PKIG: variants seen among roughly 807,000 people sequenced by gnomAD.
PKIG encodes protein kinase (cAMP-dependent, catalytic) inhibitor gamma.
In PKIG, 1 loss-of-function variant was observed where a neutral mutation model predicts 6.8. The ratio of observed to expected loss-of-function variants is 0.15; its 90% CI spans 0.05 to 0.69. The LOEUF (loss-of-function observed/expected upper bound fraction) is 0.69, where lower values mean the gene tolerates loss of function less well. PKIG is among the 30% of genes least tolerant of loss of function. PKIG has a pLI of 0.82. For missense variants in PKIG, 77 were observed against 104.0 expected (o/e 0.74, Z 1.13); for synonymous variants, 39 against 43.0 (o/e 0.91, Z 0.36).
At chr20:44,606,547 G>A (rs2065165206) in intron 2 of PKIG, among the ~76,000 whole-genome samples, 1 of 152,246 alleles carries the variant, frequency 6.6e-6, no homozygotes, top group South Asian at 2.1e-4. Context: ...GGTGGCTCAC[G>A]CTTGTAATCT....
intron 1 of PKIG, among the ~76,000 whole-genome samples, chr20:44,548,177 G>A (rs1167218083): frequency 1.3e-5 from 2 of 151,820 alleles, no homozygotes; most frequent in African/African-American, 4.8e-5. Context: ...AGACTGTCTA[G>A]AAAAACAAAA....
intron 1 of PKIG, among the ~76,000 whole-genome samples, chr20:44,577,060 AT>A (rs1158656319): frequency 6.6e-6 from 1 of 151,878 alleles, no homozygotes. Context: ...TTGATTCCCC[AT>A]CCCCCAAAAA....
At chr20:44,535,369 G>A (rs545170105) in intron 1 of PKIG, among the ~76,000 whole-genome samples, 5 of 152,278 alleles carry the variant, frequency 3.3e-5, no homozygotes, top group Admixed American at 2.0e-4. Context: ...GGCCTGGCAC[G>A]GTGGCTTACG....
intron 1 of PKIG, among the ~76,000 whole-genome samples, chr20:44,535,917 CA>C (rs983825745): frequency 6.6e-6 from 1 of 152,174 alleles, no homozygotes; most frequent in Non-Finnish European, 1.5e-5. Context: ...TTTCATCTTG[CA>C]AAAGTGCAAA....
intron 1 of PKIG, among the ~76,000 whole-genome samples, chr20:44,544,925 C>CT (rs796482642): frequency 0.032 from 2,060 of 64,310 alleles, 283 homozygotes; most frequent in African/African-American, 0.046. Flanking sequence ...TTCCTTCTTT[C>CT]TTTTTTTTTT....
intron 1 of PKIG, among the ~76,000 whole-genome samples, chr20:44,583,219 T>C (rs924667526): frequency 5.9e-5 from 9 of 152,222 alleles, no homozygotes; most frequent in African/African-American, 2.2e-4. Flanking sequence ...ATGGTCAGAC[T>C]CCATGAATTT....
intron 2 of PKIG, among the ~76,000 whole-genome samples, chr20:44,613,261 G>T (rs1471695804): frequency 6.6e-6 from 1 of 152,184 alleles, no homozygotes; most frequent in East Asian, 1.9e-4. Flanking sequence ...TGCCTCCCGG[G>T]TTCATGCCAT....
At chr20:44,552,336 C>G (rs1339914407) in intron 1 of PKIG, among the ~76,000 whole-genome samples, 1 of 152,184 alleles carries the variant, frequency 6.6e-6, no homozygotes, top group African/African-American at 2.4e-5. Context: ...CCCTTTTCTT[C>G]CACATATGTT....
chr20:44,598,929 T>G (rs562875543), intron 2 of PKIG: 2 of 152,308 alleles, frequency 1.3e-5, no homozygotes, highest in South Asian at 4.1e-4. Context: ...AAATAATTAT[T>G]TTTACTCTTG....
chr20:44,558,776 G>C (rs2064742306), intron 1 of PKIG, among the ~76,000 whole-genome samples: 1 of 146,932 alleles, frequency 6.8e-6, no homozygotes, highest in Non-Finnish European at 1.5e-5. Context: ...CTTTCTTACA[G>C]GGTCTTGCTC....
At chr20:44,610,259 C>T (rs1037708354) in intron 2 of PKIG, among the ~76,000 whole-genome samples, 1 of 152,164 alleles carries the variant, frequency 6.6e-6, no homozygotes, top group Non-Finnish European at 1.5e-5. Context: ...AAGGCAGGGT[C>T]TTGCCCAGGG....
At chr20:44,536,786 C>G (rs1344879873) in intron 1 of PKIG, among the ~76,000 whole-genome samples, 1 of 152,246 alleles carries the variant, frequency 6.6e-6, no homozygotes, top group Non-Finnish European at 1.5e-5. Flanking sequence ...CCAGGTATCC[C>G]TTTGTGTTGC....
intron 1 of PKIG, among the ~76,000 whole-genome samples, chr20:44,549,749 C>T (rs1165001925): frequency 1.3e-5 from 2 of 152,034 alleles, no homozygotes; most frequent in African/African-American, 2.4e-5. Context: ...GGCTTGAGCC[C>T]GGGAGGTAGA....
At chr20:44,532,788 G>A (rs1360369787) in intron 1 of PKIG, among the ~76,000 whole-genome samples, 7 of 152,224 alleles carry the variant, frequency 4.6e-5, no homozygotes, top group Admixed American at 4.6e-4. Flanking sequence ...GATGAGGCTG[G>A]TGGAGTGTAC....
chr20:44,535,113 C>T (rs2064500696), intron 1 of PKIG, among the ~76,000 whole-genome samples: 2 of 152,128 alleles, frequency 1.3e-5, no homozygotes, highest in South Asian at 4.1e-4. Context: ...GGAGAACTGA[C>T]AATAGCAACA....
In PKIG at chr20:44,557,520, CAAAAAAAAAA is replaced by C. The variant is rs3091847; in HGVS notation, c.-240-25056_-240-25047del. Among the ~76,000 whole-genome samples, 31 of 63,548 alleles carry C rather than the reference CAAAAAAAAAA, an allele frequency of 4.9e-4. 1 individual carries two copies. Among genetic ancestry groups the C allele is most frequent in the African/African-American group, 1.7e-3 (30 of 18,048 alleles). The allele number at this position is 63,548 out of a possible 152,430, so 41.7% of individuals were successfully genotyped here. A position where few individuals can be genotyped will look rare whatever the true frequency, so the allele number is the denominator to read the frequency against. On this transcript the variant is annotated intron_variant, in intron 1 of 4. Coordinates refer to the PKIG transcript ENST00000372887. ...CAGCTGGGTGACAGGTGACAGGTGA[CAAAAAAAAAA>C]AAAAAAAAGGCCAGGTGCGGTGGCT...
intron 1 of PKIG, among the ~76,000 whole-genome samples, chr20:44,536,985 A>G (rs995194323): frequency 6.6e-6 from 1 of 152,120 alleles, no homozygotes. Flanking sequence ...GCTGGAGTGC[A>G]ATGGCACCAT....
intron 1 of PKIG, among the ~76,000 whole-genome samples, chr20:44,575,164 T>C (rs1199109015): frequency 6.6e-6 from 1 of 152,166 alleles, no homozygotes; most frequent in East Asian, 1.9e-4. Context: ...GTAGTTCTCC[T>C]GCCTCAGCCT....
At chr20:44,602,158 GC>G (rs746395711) in intron 2 of PKIG, among the ~76,000 whole-genome samples, 17 of 152,206 alleles carry the variant, frequency 1.1e-4, no homozygotes, top group Non-Finnish European at 2.1e-4. Flanking sequence ...AAAAGAAAGA[GC>G]TTCATTCTTT....
Sources: gnomAD v4.1 joint callset for allele counts (sites outside exome capture counted in the v4.1 genomes callset) on GRCh38, gnomAD v4.1.1 for gene constraint, MANE v1.5 for transcripts, NCBI Gene and HGNC (gene_info 2026-07-23, HGNC 2026-07-21) for gene names.